PPP1R12B: variants seen among roughly 807,000 people sequenced by gnomAD.
PPP1R12B encodes myosin phosphatase target subunit 2.
In PPP1R12B, 76 loss-of-function variants were observed where a neutral mutation model predicts 126.1. That is an observed-to-expected ratio of 0.60 (90% CI 0.50 to 0.73). The LOEUF (loss-of-function observed/expected upper bound fraction) is 0.73, where lower values mean the gene tolerates loss of function less well. PPP1R12B is among the 30% of genes least tolerant of loss of function. PPP1R12B has a pLI of 0.00. For synonymous variants in PPP1R12B, 356 were observed against 434.7 expected (o/e 0.82, Z 2.25); for missense variants, 1,052 against 1,205.1 (o/e 0.87, Z 1.88).
chr1:202,537,417 T>A (rs1394205903), intron 18 of PPP1R12B, among the ~76,000 whole-genome samples: 2 of 152,168 alleles, frequency 1.3e-5, no homozygotes, highest in Admixed American at 1.3e-4. Context: ...ATTATAGTCT[T>A]ATGCAACCAC....
chr1:202,522,670 C>T (rs557518033), intron 18 of PPP1R12B, among the ~76,000 whole-genome samples: 66 of 152,164 alleles, frequency 4.3e-4, no homozygotes, highest in African/African-American at 1.6e-3. Flanking sequence ...CTTCCATATG[C>T]TGTTTTCAAA....
At chr1:202,399,557 C>T (rs560722182) in intron 1 of PPP1R12B, among the ~76,000 whole-genome samples, 3 of 150,288 alleles carry the variant, frequency 2.0e-5, no homozygotes, top group East Asian at 2.0e-4. Context: ...AGTGCAATGG[C>T]GCAATCTTGG....
intron 2 of PPP1R12B, among the ~76,000 whole-genome samples, chr1:202,421,339 A>G (rs1308128822): frequency 6.7e-6 from 1 of 149,578 alleles, no homozygotes; most frequent in Non-Finnish European, 1.5e-5. Context: ...TACAGTGTCT[A>G]AAATGTGGTT....
intron 1 of PPP1R12B, among the ~76,000 whole-genome samples, chr1:202,352,696 G>A (rs1656245627): frequency 6.6e-6 from 1 of 152,064 alleles, no homozygotes; most frequent in Non-Finnish European, 1.5e-5. Flanking sequence ...AGACCAGCCT[G>A]GTCAACATTG....
At chr1:202,456,343 G>A (rs1269104369) in intron 13 of PPP1R12B, among the ~76,000 whole-genome samples, 6 of 152,004 alleles carry the variant, frequency 3.9e-5, no homozygotes, top group African/African-American at 1.4e-4. Flanking sequence ...GGATAATTCC[G>A]ACATGGTAGA....
At chr1:202,482,044 A>G (rs1009976783) in intron 13 of PPP1R12B, among the ~76,000 whole-genome samples, 2 of 151,694 alleles carry the variant, frequency 1.3e-5, no homozygotes, top group Non-Finnish European at 2.9e-5. Flanking sequence ...CTCCAGGTTC[A>G]TCTGTGTTGT....
intron 12 of PPP1R12B, chr1:202,443,219 C>A: frequency 1.6e-6 from 1 of 612,150 alleles, no homozygotes; most frequent in Non-Finnish European, 2.0e-6. Context: ...GCACCTTTGC[C>A]AGAGCCATTA....
chr1:202,448,194 G>C (rs927257008), intron 12 of PPP1R12B: 38 of 152,230 alleles, frequency 2.5e-4, no homozygotes, highest in African/African-American at 8.7e-4. Flanking sequence ...TGTTACCCCA[G>C]CAACAGCTGT....
intron 13 of PPP1R12B, among the ~76,000 whole-genome samples, chr1:202,482,571 C>T (rs934004914): frequency 5.3e-5 from 8 of 152,126 alleles, no homozygotes; most frequent in African/African-American, 1.9e-4. Flanking sequence ...GTCTTTTGCC[C>T]ATTTTTAAAA....
intron 13 of PPP1R12B, among the ~76,000 whole-genome samples, chr1:202,487,354 A>G (rs997593191): frequency 2.0e-5 from 3 of 152,216 alleles, no homozygotes; most frequent in African/African-American, 7.2e-5. Flanking sequence ...CAAACATTAC[A>G]CTTAATGAAA....
At chr1:202,487,755 C>T (rs1678348597) in intron 13 of PPP1R12B, among the ~76,000 whole-genome samples, 1 of 152,000 alleles carries the variant, frequency 6.6e-6, no homozygotes, top group South Asian at 2.1e-4. Flanking sequence ...TTACAGGTGC[C>T]CACCAGCACA....
chr1:202,407,336 C>T (rs1460815552), intron 1 of PPP1R12B, among the ~76,000 whole-genome samples: 1 of 152,202 alleles, frequency 6.6e-6, no homozygotes, highest in South Asian at 2.1e-4. Flanking sequence ...GGGAGATGTT[C>T]TCTGGTCCCA....
At chr1:202,506,929 T>C (rs1680878092) in intron 18 of PPP1R12B, among the ~76,000 whole-genome samples, 1 of 152,106 alleles carries the variant, frequency 6.6e-6, no homozygotes, top group East Asian at 1.9e-4. Context: ...ATGCATTAAG[T>C]GGAAAGGGTG....
intron 13 of PPP1R12B, among the ~76,000 whole-genome samples, chr1:202,467,985 C>T (rs1418255871): frequency 7.9e-5 from 12 of 152,160 alleles, no homozygotes; most frequent in Middle Eastern, 3.2e-3. Context: ...TGATGATGAG[C>T]ATTTTTTCAT....
intron 6 of PPP1R12B, 57 bp downstream of exon 6, chr1:202,428,986 G>C (rs945392417): frequency 1.1e-5 from 15 of 1,416,818 alleles, no homozygotes; most frequent in Non-Finnish European, 1.5e-5. Flanking sequence ...TTCACACCAA[G>C]TATCTCAATC....
In PPP1R12B at chr1:202,477,241, C is replaced by T. The variant is rs367644056; in HGVS notation, c.1851-11292C>T. ...AGTAGCAGCAAACGTGTGCCAGGTT[C>T]TATTCTAAGTGCCTTACATGGGTTT... On this transcript the variant is annotated intron_variant, in intron 13 of 23. Coordinates refer to ENST00000608999, the MANE Select transcript of PPP1R12B (RefSeq NM_002481.4). Among the ~76,000 whole-genome samples the T allele has an allele frequency of 2.6e-5, 4 of 152,296 alleles. No individual in the cohort carries two copies. The East Asian group carries it at 7.7e-4, about 29-fold the overall frequency.
At chr1:202,511,460 A>G (rs1572341826) in intron 18 of PPP1R12B, among the ~76,000 whole-genome samples, 1 of 151,690 alleles carries the variant, frequency 6.6e-6, no homozygotes, top group Non-Finnish European at 1.5e-5. Context: ...CTCATGATCC[A>G]CCTGCCTCAG....
At chr1:202,512,144 G>C (rs932048828) in intron 18 of PPP1R12B, among the ~76,000 whole-genome samples, 48 of 152,284 alleles carry the variant, frequency 3.2e-4, no homozygotes, top group African/African-American at 1.1e-3. Flanking sequence ...ATATTCCAGG[G>C]CTAACCCTAG....
intron 1 of PPP1R12B, among the ~76,000 whole-genome samples, chr1:202,411,100 C>T (rs1468769058): frequency 6.6e-6 from 1 of 152,112 alleles, no homozygotes; most frequent in Non-Finnish European, 1.5e-5. Context: ...ATCTGCTCAT[C>T]TACCATGCTT....
Sources: gnomAD v4.1 joint callset for allele counts (sites outside exome capture counted in the v4.1 genomes callset) on GRCh38, gnomAD v4.1.1 for gene constraint, MANE v1.5 for transcripts, NCBI Gene and HGNC (gene_info 2026-07-23, HGNC 2026-07-21) for gene names.